RGS8: variants seen among roughly 807,000 people sequenced by gnomAD.
The protein encoded by RGS8 is regulator of G protein signaling 8, also known as regulator of G-protein signaling 8.
Under a neutral mutation model 21.7 loss-of-function variants are expected in RGS8, and 8 were observed. The observed-to-expected ratio is 0.37, with a 90% CI of 0.22 to 0.66. RGS8 has a LOEUF of 0.66. Ranked by LOEUF, RGS8 falls within the 30% of genes least tolerant of loss-of-function variation. The probability of loss-of-function intolerance (pLI) is 0.59; values close to 1 mark genes in which losing one functional copy is unlikely to be tolerated. For missense variants in RGS8, 157 were observed against 217.9 expected (o/e 0.72, Z 1.76); for synonymous variants, 80 against 83.6 (o/e 0.96, Z 0.24).
At chr1:182,745,097 G>A in the RGS8 span, among the ~76,000 whole-genome samples, 1 of 152,130 alleles carries the variant, frequency 6.6e-6, no homozygotes, top group Admixed American at 6.5e-5. Flanking sequence ...GATATAAATA[G>A]TTCTTCAGAA....
the RGS8 span, among the ~76,000 whole-genome samples, chr1:182,742,136 C>G: frequency 6.9e-6 from 1 of 144,732 alleles, no homozygotes; most frequent in African/African-American, 2.6e-5. Flanking sequence ...ACATCTCAGA[C>G]GATGGGCGGC....
the RGS8 span, among the ~76,000 whole-genome samples, chr1:182,704,285 T>G: frequency 0.061 from 9,230 of 150,146 alleles, 333 homozygotes; most frequent in African/African-American, 0.1. Flanking sequence ...GTTGGAGAGG[T>G]TTTTTCTTGA....
chr1:182,741,719 A>C, the RGS8 span, among the ~76,000 whole-genome samples: 3 of 90,400 alleles, frequency 3.3e-5, no homozygotes, highest in African/African-American at 1.1e-4. Flanking sequence ...GGCGCCCCTC[A>C]CCTCCCGGAC....
the RGS8 span, among the ~76,000 whole-genome samples, chr1:182,731,760 G>A: frequency 6.6e-6 from 1 of 152,228 alleles, no homozygotes; most frequent in Non-Finnish European, 1.5e-5. Flanking sequence ...ACTTGAGAAT[G>A]TGCTTGGACT....
the RGS8 span, among the ~76,000 whole-genome samples, chr1:182,722,870 T>C: frequency 1.3e-5 from 2 of 151,816 alleles, no homozygotes; most frequent in Non-Finnish European, 2.9e-5. Context: ...CCCAGCTACT[T>C]GGGAGGCTGA....
chr1:182,645,231 C>G (rs1325002588), downstream of RGS8: 1 of 152,232 alleles, frequency 6.6e-6, no homozygotes, highest in African/African-American at 2.4e-5. Context: ...ATGTGCTGTT[C>G]CACTTAGTCA....
At chr1:182,657,320 C>A (rs2102419848) in intron 5 of RGS8, among the ~76,000 whole-genome samples, 1 of 152,168 alleles carries the variant, frequency 6.6e-6, no homozygotes, top group Non-Finnish European at 1.5e-5. Flanking sequence ...CCTTTTTGTC[C>A]TCTTCCTCTA....
At chr1:182,690,088 A>G in the RGS8 span, among the ~76,000 whole-genome samples, 1 of 152,192 alleles carries the variant, frequency 6.6e-6, no homozygotes, top group Non-Finnish European at 1.5e-5. Context: ...GACCTTGAGC[A>G]AGTCACTTAA....
chr1:182,721,326 T>G, the RGS8 span, among the ~76,000 whole-genome samples: 2 of 151,942 alleles, frequency 1.3e-5, no homozygotes, highest in South Asian at 4.1e-4. Flanking sequence ...AGAGGGGAAA[T>G]GTATTGGCTC....
chr1:182,692,431 T>C, the RGS8 span, among the ~76,000 whole-genome samples: 1 of 151,986 alleles, frequency 6.6e-6, no homozygotes. Flanking sequence ...GTGAAAGATC[T>C]CTACAATAGG....
chr1:182,710,043 G>C, the RGS8 span, among the ~76,000 whole-genome samples: 3 of 151,970 alleles, frequency 2.0e-5, no homozygotes, highest in Non-Finnish European at 4.4e-5. Flanking sequence ...GAGAGAGAGG[G>C]CTTGATTGGT....
the RGS8 span, among the ~76,000 whole-genome samples, chr1:182,740,868 G>A: frequency 4.6e-5 from 7 of 152,168 alleles, no homozygotes; most frequent in African/African-American, 1.7e-4. Context: ...CACAGGGTTG[G>A]GGGTAAGGTC....
the RGS8 span, among the ~76,000 whole-genome samples, chr1:182,732,356 C>T: frequency 6.6e-6 from 1 of 151,700 alleles, no homozygotes; most frequent in Non-Finnish European, 1.5e-5. Flanking sequence ...TTCTAGGCTG[C>T]TACATTTCCA....
At chr1:182,750,593 G>C in the RGS8 span, among the ~76,000 whole-genome samples, 1 of 152,100 alleles carries the variant, frequency 6.6e-6, no homozygotes, top group East Asian at 1.9e-4. Flanking sequence ...TTTGTTGAGG[G>C]TTCCTCTAAC....
At position 182,661,808 on chromosome 1, in the gene RGS8, T is replaced by TCACACACACA. The variant is rs71127312; in HGVS notation, c.193+4151_193+4160dup. On this transcript the variant is annotated intron_variant, in intron 5 of 6. Transcript: ENST00000483095. ...GAAAGTCTCCTGAGTGTACACACAT[T>TCACACACACA]CACACACACACACACACACACACAC... is the stretch of plus-strand genomic sequence containing the variant. Among the ~76,000 whole-genome samples, 156 of 132,456 alleles carry TCACACACACA rather than the reference T, an allele frequency of 1.2e-3. 2 individuals carry two copies. The highest frequency in any genetic ancestry group is 7.5e-3 in the Middle Eastern group (2 of 268). 86.9% of individuals were successfully genotyped at this position (132,456 alleles called of 152,430 possible).
At chr1:182,693,215 A>G in the RGS8 span, among the ~76,000 whole-genome samples, 1 of 152,260 alleles carries the variant, frequency 6.6e-6, no homozygotes, top group East Asian at 1.9e-4. Flanking sequence ...AATATTTGCA[A>G]ACTATGCATC....
chr1:182,719,318 A>C, the RGS8 span, among the ~76,000 whole-genome samples: 1 of 150,518 alleles, frequency 6.6e-6, no homozygotes, highest in Non-Finnish European at 1.5e-5. Context: ...AAAAATGTAT[A>C]AGTATCCTTT....
At chr1:182,697,533 G>A in the RGS8 span, among the ~76,000 whole-genome samples, 1 of 152,172 alleles carries the variant, frequency 6.6e-6, no homozygotes, top group Non-Finnish European at 1.5e-5. Flanking sequence ...TCTGAACCAG[G>A]CTGAACTCCG....
the RGS8 span, among the ~76,000 whole-genome samples, chr1:182,725,378 T>C: frequency 2.6e-5 from 4 of 152,342 alleles, no homozygotes; most frequent in South Asian, 8.3e-4. Flanking sequence ...TGCTGCCAAC[T>C]TCCTGTGGAC....
Sources: allele counts gnomAD v4.1 joint callset (sites outside exome capture counted in the v4.1 genomes callset), GRCh38; gene constraint gnomAD v4.1.1; transcripts MANE v1.5; gene names NCBI Gene and HGNC (gene_info 2026-07-23, HGNC 2026-07-21).